Variants in ERLEC1 observed in about 807,000 individuals in gnomAD.
ERLEC1 encodes the protein endoplasmic reticulum lectin 1, also known as ER lectin.
In ERLEC1, 47 loss-of-function variants were observed where a neutral mutation model predicts 68.0. The observed-to-expected ratio is 0.69, with a 90% CI of 0.55 to 0.88. The LOEUF (loss-of-function observed/expected upper bound fraction) is 0.88. Among genes scored for constraint, ERLEC1 ranks in the 40% least tolerant of loss-of-function variants. The pLI is 0.00. For missense variants in ERLEC1, 567 were observed against 583.8 expected (o/e 0.97, Z 0.30); for synonymous variants, 225 against 203.2 (o/e 1.11, Z -0.91).
intron 1 of ERLEC1, among the ~76,000 whole-genome samples, chr2:53,791,767 G>C (rs1675403868): frequency 6.6e-6 from 1 of 152,036 alleles, no homozygotes; most frequent in Admixed American, 6.6e-5. Flanking sequence ...ATTTTGAAAG[G>C]AATTACAAAT....
chr2:53,807,844 A>AAAC (rs113620205), intron 8 of ERLEC1, among the ~76,000 whole-genome samples: 14,598 of 150,550 alleles, frequency 0.097, 993 homozygotes, highest in African/African-American at 0.2. Flanking sequence ...TCTGTACTGA[A>AAAC]AACAACAACA....
chr2:53,795,959 T>G lies in ERLEC1; in HGVS notation c.294T>G (p.Pro98=), dbSNP rs138418075. The G allele has an allele frequency of 5.6e-6, 9 of 1,603,798 alleles. No individual in the cohort carries two copies. The African/African-American group carries it at 1.2e-4, about 22-fold the overall frequency. Residue 98 remains proline, a synonymous_variant, in exon 3 of 14, where the codon CCT becomes CCG. Coordinates refer to ENST00000185150, the MANE Select transcript of ERLEC1 (RefSeq NM_015701.5). ...DEEEEKDYKG[P]NPRELLEPLF... ...AAGAAGAAAAGGATTATAAAGGCCC[T>G]AATCCAAGAGAGCTTTTGGAGCCAC... is the stretch of plus-strand genomic sequence containing the variant.
rs1320071328 is a variant in ERLEC1 at position 53,801,798 on chromosome 2, C to T, written c.835C>T (p.Gln279Ter). ...FKPLTLRQLE[Q>*]QEEILRVPFR... The stretch of plus-strand genomic sequence containing the variant: ...GCCCCTCACCCTGAGGCAGCTGGAG[C>T]AGCAGGAAGAAATACTAAGGGTGCC... The change falls in exon 8 of 14, where the codon CAG becomes TAG. Residue 279 changes from glutamine (Q) to a stop codon, truncating the protein, a stop_gained. Transcript: ENST00000185150. LOFTEE classifies it high-confidence loss of function. 1.2e-6 allele frequency: 2 copies of T among 1,613,710 alleles called. No individual in the cohort carries two copies. The highest frequency in any genetic ancestry group is 2.2e-5 in the East Asian group (1 of 44,868).
chr2:53,792,224 T>G (rs1370651285), intron 1 of ERLEC1, among the ~76,000 whole-genome samples: 2 of 151,524 alleles, frequency 1.3e-5, no homozygotes, highest in African/African-American at 4.8e-5. Context: ...GCCTTTTTTT[T>G]TTTTTTTTTA....
intron 8 of ERLEC1, among the ~76,000 whole-genome samples, chr2:53,804,210 A>G (rs1676157330): frequency 6.6e-6 from 1 of 152,134 alleles, no homozygotes; most frequent in South Asian, 2.1e-4. Flanking sequence ...TAGCAGGTGT[A>G]TATATTTATG....
intron 1 of ERLEC1, 122 bp downstream of exon 1, chr2:53,787,494 A>G: frequency 1.7e-6 from 2 of 1,175,950 alleles, no homozygotes; most frequent in Non-Finnish European, 1.2e-6. Context: ...ACCTTCCCCA[A>G]GCCAAAGCTG....
chr2:53,801,141 TTTAC>T (rs1675980184), intron 6 of ERLEC1, among the ~76,000 whole-genome samples: 1 of 152,182 alleles, frequency 6.6e-6, no homozygotes, highest in Non-Finnish European at 1.5e-5. Context: ...TAAATGTACA[TTTAC>T]TTAACATGTT....
rs190933696 is a variant in ERLEC1, at chr2:53,794,542, G to C, written c.267+93G>C. 5,429 of 614,884 alleles carry C rather than the reference G, an allele frequency of 8.8e-3. 40 individuals are homozygous for C. Among genetic ancestry groups the C allele is most frequent in the Middle Eastern group, 0.034 (84 of 2,444 alleles). The allele number at this position is 614,884 out of a possible 1,614,324, so 38.1% of individuals were successfully genotyped here. A position where few individuals can be genotyped will look rare whatever the true frequency, so the allele number is the denominator to read the frequency against. Reference sequence around the variant, plus strand: ...TACTTTGAAGTAAAATTGAATAACAGATTTCTCAATAACGCTCTTTTAGCA... The same window carrying C: ...TACTTTGAAGTAAAATTGAATAACACATTTCTCAATAACGCTCTTTTAGCA... On this transcript the variant is annotated intron_variant, in intron 2 of 13. Transcript: ENST00000185150.
In ERLEC1 at chr2:53,798,974, G is replaced by C. The variant is rs1389727754; in HGVS notation, c.491-73G>C. 4 of 1,305,930 alleles carry C rather than the reference G, an allele frequency of 3.1e-6. No individual in the cohort carries two copies. The East Asian group carries it at 9.3e-5, about 30-fold the overall frequency. 80.9% of individuals were successfully genotyped at this position (1,305,930 alleles called of 1,614,324 possible). On this transcript the variant is annotated intron_variant, in intron 5 of 13. Transcript: ENST00000185150. ...TAGAAAGAAGATTAAGGTTACAAAG[G>C]TGGTTGAAAACTTACTCATTTGTAC...
intron 3 of ERLEC1, among the ~76,000 whole-genome samples, chr2:53,796,308 C>T (rs984998152): frequency 4.0e-5 from 6 of 150,514 alleles, no homozygotes; most frequent in African/African-American, 1.5e-4. Context: ...TCAAGAAGGC[C>T]CTAAGTCTGT....
At position 53,814,547 on chromosome 2, in the gene ERLEC1, G is replaced by T. The variant is rs1676760590; in HGVS notation, c.1231G>T (p.Val411Leu). The T allele has an allele frequency of 3.7e-6, 6 of 1,608,914 alleles. No individual in the cohort carries two copies. Among genetic ancestry groups the T allele is most frequent in the Non-Finnish European group, 4.2e-6 (5 of 1,176,830 alleles). The change falls in exon 12 of 14, where the codon GTG becomes TTG. Residue 411 changes from valine (V) to leucine (L), a missense_variant. Val to Leu is a conservative substitution (Grantham distance 32). Coordinates refer to ENST00000185150, the MANE Select transcript of ERLEC1 (RefSeq NM_015701.5). ...TTGTGTGTTTCTCTGATTCAGGATG[G>T]TGTCACATTTTTATGGAAATGGAGA... Reference protein sequence around the residue: ...QDDGTQTVRMVSHFYGNGDIC... With the variant: ...QDDGTQTVRMLSHFYGNGDIC...
intron 1 of ERLEC1, among the ~76,000 whole-genome samples, chr2:53,791,303 G>T (rs1398205817): frequency 2.6e-5 from 4 of 152,074 alleles, no homozygotes; most frequent in Non-Finnish European, 5.9e-5. Context: ...GACTTTGTCA[G>T]ATCTCTAATA....
intron 8 of ERLEC1, among the ~76,000 whole-genome samples, chr2:53,806,751 G>A (rs1676315469): frequency 1.3e-5 from 2 of 152,130 alleles, no homozygotes; most frequent in Non-Finnish European, 2.9e-5. Context: ...AGGGGACATA[G>A]TATCCACCAT....
In ERLEC1 at chr2:53,809,228, G is replaced by A; in HGVS notation, c.1056G>A (p.Trp352Ter). ...SYCFRGGVGWWKYEFCYGKHV... is the reference protein window; with the variant it reads ...SYCFRGGVGW ...TTTTTTTTTAGGGTGTCGGTTGGTG[G>A]AAATATGAATTCTGCTATGGCAAAC... is the stretch of plus-strand genomic sequence containing the variant. Residue 352 changes from tryptophan (W) to a stop codon, truncating the protein, a stop_gained, in exon 10 of 14, where the codon TGG (tryptophan) becomes TGA (stop). Coordinates refer to ENST00000185150, the MANE Select transcript of ERLEC1 (RefSeq NM_015701.5). LOFTEE classifies it high-confidence loss of function. The A allele has an allele frequency of 6.3e-7, 1 of 1,581,638 alleles. No individual in the cohort carries two copies. Among genetic ancestry groups the A allele is most frequent in the Non-Finnish European group, 8.5e-7 (1 of 1,170,972 alleles).
At chr2:53,815,008 T>TTG (rs1676799263) in intron 13 of ERLEC1, 73 bp downstream of exon 13, 3 of 1,008,048 alleles carry the variant, frequency 3.0e-6, no homozygotes, top group South Asian at 3.1e-5. Flanking sequence ...TTTTTTTTTT[T>TTG]TTTTTTTTGT....
At chr2:53,796,040 C>T (rs759500174) in intron 3 of ERLEC1, 27 bp downstream of exon 3, 1 of 1,431,808 alleles carries the variant, frequency 7.0e-7, no homozygotes. Flanking sequence ...TACTTGATGA[C>T]TAGAAAATAG....
intron 13 of ERLEC1, among the ~76,000 whole-genome samples, chr2:53,816,210 A>G (rs1160734510): frequency 6.7e-6 from 1 of 150,264 alleles, no homozygotes; most frequent in African/African-American, 2.4e-5. Context: ...CCTTCCAAGT[A>G]GCTGGGACTA....
intron 1 of ERLEC1, among the ~76,000 whole-genome samples, chr2:53,789,963 G>C (rs781487994): frequency 1.0e-4 from 15 of 147,564 alleles, no homozygotes; most frequent in Non-Finnish European, 1.9e-4. Flanking sequence ...AAGTTGCAGT[G>C]ATCCGAGATC....
rs372089359 is a variant in ERLEC1 at position 53,801,832 on chromosome 2, G to T, written c.869G>T (p.Arg290Ile). 6.8e-6 allele frequency: 11 copies of T among 1,613,274 alleles called. No homozygotes were observed. In the African/African-American group the frequency reaches 1.3e-4, roughly 20 times the overall value. ...QEEILRVPFR[R>I]NKEEDLQSTK... ...GAAATACTAAGGGTGCCTTTTAGGA[G>T]AAATAAAGAGGTATGAGAATTGTCT... is the stretch of plus-strand genomic sequence containing the variant. Residue 290 changes from arginine to isoleucine, a missense_variant, in exon 8 of 14, where the codon AGA becomes ATA. By Grantham distance (97) the Arg-to-Ile change is moderately conservative. Coordinates refer to ENST00000185150, the MANE Select transcript of ERLEC1 (RefSeq NM_015701.5).
Sources: gnomAD v4.1 joint callset for allele counts (sites outside exome capture counted in the v4.1 genomes callset) on GRCh38, gnomAD v4.1.1 for gene constraint, MANE v1.5 for transcripts, NCBI Gene and HGNC (gene_info 2026-07-23, HGNC 2026-07-21) for gene names.